The following RNF17 variants were observed in gnomAD, a reference collection of about 807,000 sequenced individuals.
The protein encoded by RNF17 is ring finger protein 17, also known as spermatogenesis associated 23.
Under a neutral mutation model 200.5 loss-of-function variants are expected in RNF17, and 31 were observed. The observed-to-expected ratio is 0.15, with a 90% CI of 0.12 to 0.21. The LOEUF is 0.21. RNF17 is among the 10% of genes least tolerant of loss of function. RNF17 has a pLI of 1.00. For missense variants in RNF17, 1,628 were observed against 1,905.1 expected, an observed-to-expected ratio of 0.85 and a Z score of 2.71; for synonymous variants, 606 against 637.8, an observed-to-expected ratio of 0.95 and a Z score of 0.75.
At chr13:24,816,893 A>C (rs759897259) in intron 15 of RNF17, among the ~76,000 whole-genome samples, 1 of 151,980 alleles carries the variant, frequency 6.6e-6, no homozygotes, top group Non-Finnish European at 1.5e-5. Flanking sequence ...CTTTTGATTT[A>C]CTGTAAACAT....
At chr13:24,775,424 A>T (rs1881421253) in intron 3 of RNF17, among the ~76,000 whole-genome samples, 1 of 151,906 alleles carries the variant, frequency 6.6e-6, no homozygotes, top group Admixed American at 6.6e-5. Context: ...TAATTTTTAA[A>T]TTTTTTTGTA....
intron 15 of RNF17, among the ~76,000 whole-genome samples, chr13:24,817,779 T>C (rs928542724): frequency 3.9e-5 from 6 of 152,120 alleles, no homozygotes; most frequent in Non-Finnish European, 7.4e-5. Flanking sequence ...TTATTTCTGA[T>C]TTTATTAACT....
chr13:24,804,313 C>A lies in RNF17; in HGVS notation c.1975C>A (p.His659Asn). ...AKFKSQSLRSHFEKNTTLHYH... is the reference protein window; with the variant it reads ...AKFKSQSLRSNFEKNTTLHYH... ...GTTTAAGTCACAATCACTAAGAAGT[C>A]ACTTTGAAAAAAATACTACTTTACA... The change falls in exon 15 of 36, where the codon CAC (histidine) becomes AAC (asparagine). Residue 659 changes from histidine (H) to asparagine (N), a missense_variant. Around this residue, in one of 5 missense-constraint regions of RNF17, gnomAD observed 289 missense variants for 384.9 expected, o/e 0.75. Coordinates refer to ENST00000255324, the MANE Select transcript of RNF17 (RefSeq NM_031277.3). 1.2e-6 allele frequency: 2 copies of A among 1,612,772 alleles called. No homozygotes were observed. The highest frequency in any genetic ancestry group is 1.7e-6 in the Non-Finnish European group (2 of 1,179,166).
At chr13:24,755,795 A>T in the RNF17 span, among the ~76,000 whole-genome samples, 1 of 152,166 alleles carries the variant, frequency 6.6e-6, no homozygotes, top group East Asian at 1.9e-4. Context: ...TCATAAAAAA[A>T]TTGCCCACAA....
chr13:24,852,210 C>T (rs143639540), intron 24 of RNF17, among the ~76,000 whole-genome samples: 2,535 of 150,026 alleles, frequency 0.017, 33 homozygotes, highest in South Asian at 0.036. Flanking sequence ...GCAATCTCGG[C>T]TCACTGCAAG....
intron 18 of RNF17, among the ~76,000 whole-genome samples, chr13:24,840,966 A>T (rs1417673998): frequency 1.3e-5 from 2 of 152,192 alleles, no homozygotes; most frequent in Non-Finnish European, 2.9e-5. Context: ...GCTGTTGGTA[A>T]TGGTTAGCTT....
At chr13:24,786,045 A>G (rs974633293) in intron 6 of RNF17, among the ~76,000 whole-genome samples, 1 of 151,960 alleles carries the variant, frequency 6.6e-6, no homozygotes, top group Admixed American at 6.6e-5. Context: ...TATTTTTGCC[A>G]TTTGGTTTGT....
intron 19 of RNF17, among the ~76,000 whole-genome samples, chr13:24,842,531 T>C (rs1890747696): frequency 6.6e-6 from 1 of 152,158 alleles, no homozygotes; most frequent in South Asian, 2.1e-4. Context: ...TACATTTCCA[T>C]TTGTAGAAAT....
chr13:24,864,881 TA>T lies in RNF17; in HGVS notation c.3989del (p.Asn1330IlefsTer36). On this transcript the variant is annotated frameshift_variant, in exon 29 of 36. Transcript: ENST00000255324. LOFTEE classifies it high-confidence loss of function. ...TATTGAACTTTAAATAGGAGTTACCTAAAAATCCATGGGAGAAATTGTCTAT... is the reference window on the plus strand; with the variant it reads ...TATTGAACTTTAAATAGGAGTTACCTAAAATCCATGGGAGAAATTGTCTAT... ...QVDIHIMELPKNPWEKLSIHL... is the reference protein window; with the variant it reads ...QVDIHIMELPXNPWEKLSIHL... 1 of 1,547,384 alleles carries T rather than the reference TA, an allele frequency of 6.5e-7. No individual in the cohort carries two copies. Among genetic ancestry groups the T allele is most frequent in the Non-Finnish European group, 8.8e-7 (1 of 1,133,870 alleles).
chr13:24,833,641 C>G (rs1163043650), intron 18 of RNF17, among the ~76,000 whole-genome samples: 1 of 151,844 alleles, frequency 6.6e-6, no homozygotes, highest in East Asian at 1.9e-4. Context: ...TTATTTAATA[C>G]CAGTGACATC....
At chr13:24,813,075 C>T (rs1268488280) in intron 15 of RNF17, among the ~76,000 whole-genome samples, 1 of 152,152 alleles carries the variant, frequency 6.6e-6, no homozygotes, top group Non-Finnish European at 1.5e-5. Context: ...TTTACATGTC[C>T]TTATTTATTG....
At chr13:24,752,900 G>GT in the RNF17 span, among the ~76,000 whole-genome samples, 1 of 152,176 alleles carries the variant, frequency 6.6e-6, no homozygotes, top group Non-Finnish European at 1.5e-5. Flanking sequence ...CGTGGCCTGC[G>GT]TGGCCCTACT....
chr13:24,863,506 A>G (rs762146640), intron 28 of RNF17, among the ~76,000 whole-genome samples: 24 of 152,106 alleles, frequency 1.6e-4, no homozygotes, highest in Non-Finnish European at 2.8e-4. Context: ...CTGAGCAGTG[A>G]GGTAATAAGA....
intron 22 of RNF17, among the ~76,000 whole-genome samples, chr13:24,846,058 A>G (rs1593415676): frequency 6.6e-6 from 1 of 152,248 alleles, no homozygotes; most frequent in Non-Finnish European, 1.5e-5. Context: ...GTGCTACTGC[A>G]CTCCAGCCTG....
chr13:24,771,934 G>A (rs1471582441), intron 2 of RNF17, among the ~76,000 whole-genome samples: 5 of 152,016 alleles, frequency 3.3e-5, no homozygotes, highest in African/African-American at 1.2e-4. Context: ...AACCCAGGAG[G>A]CGGAGGTTGC....
intron 26 of RNF17, 142 bp downstream of exon 26, chr13:24,859,306 A>G (rs1892844520): frequency 3.2e-6 from 2 of 625,462 alleles, no homozygotes; most frequent in South Asian, 6.0e-5. Context: ...TTGTACTTTT[A>G]TTTGTAATAA....
At chr13:24,859,429 C>A (rs1406421477) in intron 26 of RNF17, among the ~76,000 whole-genome samples, 1 of 152,088 alleles carries the variant, frequency 6.6e-6, no homozygotes, top group African/African-American at 2.4e-5. Flanking sequence ...AGCCCTGTTT[C>A]CACACATAGT....
At chr13:24,881,663 C>A (rs949990542), downstream of RNF17, among the ~76,000 whole-genome samples, 2 of 148,454 alleles carry the variant, frequency 1.3e-5, no homozygotes, top group African/African-American at 2.5e-5. Context: ...TCTAGATAAC[C>A]TATATATATC....
At chr13:24,789,553 T>C in intron 8 of RNF17, 129 bp downstream of exon 8, 1 of 892,584 alleles carries the variant, frequency 1.1e-6, no homozygotes, top group Non-Finnish European at 1.8e-6. Flanking sequence ...AGTAACCAAA[T>C]TAAGATAAGT....
Sources: allele counts gnomAD v4.1 joint callset (sites outside exome capture counted in the v4.1 genomes callset), GRCh38; gene constraint gnomAD v4.1.1; regional missense constraint gnomAD v4.1.1; transcripts MANE v1.5; gene names NCBI Gene and HGNC (gene_info 2026-07-23, HGNC 2026-07-21).